The following AGR2 variants were observed in gnomAD, a reference collection of about 807,000 sequenced individuals.
AGR2 encodes the protein anterior gradient protein 2 homolog.
AGR2 carries 27 observed loss-of-function variants against 25.9 expected under a neutral mutation model. The ratio of observed to expected loss-of-function variants is 1.04; its 90% CI spans 0.77 to 1.44. AGR2 has a LOEUF of 1.44. Among genes scored for constraint, AGR2 ranks in the 40% most tolerant of loss-of-function variants. The pLI is 0.00. For missense variants in AGR2, 182 were observed against 200.9 expected (o/e 0.91, Z 0.57); for synonymous variants, 78 against 72.0 (o/e 1.08, Z -0.42).
chr7:16,793,049 A>C (rs781080781), intron 7 of AGR2, 92 bp from the exon 8 acceptor site: 232 of 1,243,496 alleles, frequency 1.9e-4, no homozygotes, highest in East Asian at 2.8e-4. Context: ...TTCATTATTT[A>C]ATGGGATGCT....
Position 16,792,735 on chromosome 7 carries a change from A to G in AGR2, c.*173T>C, listed in dbSNP as rs1357924506. ...TACAATATTGTTTTCACACATGTACACTTGAAACCAAATTTCTAAAACTTG... is the reference window on the plus strand; with the variant it reads ...TACAATATTGTTTTCACACATGTACGCTTGAAACCAAATTTCTAAAACTTG... On this transcript the variant is annotated 3_prime_UTR_variant, in exon 8 of 8. Coordinates refer to ENST00000419304, the MANE Select transcript of AGR2 (RefSeq NM_006408.4). 1 of 641,124 alleles carries G rather than the reference A, an allele frequency of 1.6e-6. No homozygotes were observed. Among genetic ancestry groups the G allele is most frequent in the East Asian group, 2.7e-5 (1 of 36,598 alleles). 39.7% of individuals were successfully genotyped at this position (641,124 alleles called of 1,614,324 possible).
At chr7:16,796,405 C>G (rs562013387) in intron 6 of AGR2, among the ~76,000 whole-genome samples, 2 of 152,334 alleles carry the variant, frequency 1.3e-5, no homozygotes, top group African/African-American at 4.8e-5. Flanking sequence ...TTTAGTTCAG[C>G]CTTCTTCCTT....
At chr7:16,793,535 G>C (rs1784995995) in intron 7 of AGR2, among the ~76,000 whole-genome samples, 1 of 152,138 alleles carries the variant, frequency 6.6e-6, no homozygotes, top group Admixed American at 6.5e-5. Context: ...GATAATTTTG[G>C]CTCATTTAGA....
chr7:16,796,060 C>G (rs1258312501), intron 6 of AGR2, among the ~76,000 whole-genome samples: 1 of 152,094 alleles, frequency 6.6e-6, no homozygotes, highest in Non-Finnish European at 1.5e-5. Context: ...TTGGAATCAT[C>G]TGGAGAGCTG....
chr7:16,803,986 G>A (rs1173254535), intron 1 of AGR2, among the ~76,000 whole-genome samples: 1 of 152,096 alleles, frequency 6.6e-6, no homozygotes, highest in African/African-American at 2.4e-5. Context: ...CCCATTTACA[G>A]TTCTTGTTTT....
chr7:16,799,949 T>C lies in AGR2; in HGVS notation c.257-132A>G, dbSNP rs79440164. 2,482 of 633,132 alleles carry C rather than the reference T, an allele frequency of 3.9e-3. 44 individuals carry two copies. The African/African-American group carries it at 0.041, about 10-fold the overall frequency. The allele number at this position is 633,132 out of a possible 1,614,324, so 39.2% of individuals were successfully genotyped here. A position where few individuals can be genotyped will look rare whatever the true frequency, so the allele number is the denominator to read the frequency against. ...AATACAGTATTCTACTTTGGCCTTT[T>C]AGCAAATGATTAGTGAAGTAATATC... On this transcript the variant is annotated intron_variant, in intron 4 of 7. Transcript: ENST00000419304.
intron 6 of AGR2, among the ~76,000 whole-genome samples, chr7:16,796,882 A>C (rs1048033746): frequency 6.6e-6 from 1 of 151,978 alleles, no homozygotes; most frequent in Non-Finnish European, 1.5e-5. Flanking sequence ...CAGTGGCAGG[A>C]AGGAGCATGT....
intron 7 of AGR2, 86 bp downstream of exon 7, chr7:16,794,850 C>A (rs1233665498): frequency 6.3e-7 from 1 of 1,597,258 alleles, no homozygotes; most frequent in East Asian, 2.3e-5. Context: ...CTCTCTCTCA[C>A]CTCACCATGC....
intron 6 of AGR2, among the ~76,000 whole-genome samples, chr7:16,795,539 T>C (rs1045643908): frequency 4.6e-5 from 7 of 152,220 alleles, no homozygotes; most frequent in Admixed American, 2.6e-4. Flanking sequence ...TATATTTTAC[T>C]TTATTGTTAA....
chr7:16,797,320 C>G (rs184489687), intron 6 of AGR2, among the ~76,000 whole-genome samples: 1 of 152,110 alleles, frequency 6.6e-6, no homozygotes, highest in South Asian at 2.1e-4. Context: ...TATTTGCAGG[C>G]CTCTCGTATT....
chr7:16,795,091 G>A (rs1785022234), intron 6 of AGR2, 72 bp from the exon 7 acceptor site: 2 of 1,527,760 alleles, frequency 1.3e-6, no homozygotes, highest in Non-Finnish European at 1.8e-6. Context: ...TTGCCCCGGG[G>A]AGCTGAAGTT....
chr7:16,796,923 A>G (rs1785054154), intron 6 of AGR2, among the ~76,000 whole-genome samples: 1 of 132,920 alleles, frequency 7.5e-6, no homozygotes, highest in Non-Finnish European at 1.7e-5. Context: ...CCCACCTCAT[A>G]TTCCTTTTTT....
chr7:16,792,902 T>A lies in AGR2; in HGVS notation c.*6A>T. On this transcript the variant is annotated 3_prime_UTR_variant, in exon 8 of 8. Coordinates refer to ENST00000419304, the MANE Select transcript of AGR2 (RefSeq NM_006408.4). ...ACAGACAGAAGGGCTTGGAGATTTT[T>A]TTTCTTTACAATTCAGTCTTCAGCA... The A allele has an allele frequency of 6.2e-7, 1 of 1,613,396 alleles. No individual in the cohort carries two copies. Among genetic ancestry groups the A allele is most frequent in the Non-Finnish European group, 8.5e-7 (1 of 1,179,334 alleles).
chr7:16,792,819 A>C lies in AGR2; in HGVS notation c.*89T>G, dbSNP rs564805090. The C allele has an allele frequency of 9.9e-6, 11 of 1,106,068 alleles. No individual in the cohort carries two copies. Among genetic ancestry groups the C allele is most frequent in the Non-Finnish European group, 1.5e-5 (11 of 717,354 alleles). 68.5% of individuals were successfully genotyped at this position (1,106,068 alleles called of 1,614,324 possible). A position where few individuals can be genotyped will look rare whatever the true frequency, so the allele number is the denominator to read the frequency against. The stretch of plus-strand genomic sequence containing the variant: ...CCATAACCTAATCAGTGTGTTCACT[A>C]TGCTTCCACACTAGCCAGTCTTCTC... On this transcript the variant is annotated 3_prime_UTR_variant, in exon 8 of 8. Coordinates refer to ENST00000419304, the MANE Select transcript of AGR2 (RefSeq NM_006408.4).
chr7:16,799,733 A>T lies in AGR2; in HGVS notation c.330+11T>A, dbSNP rs756281126. ...TAGAGAAATGTTAGTAATGATGAAA[A>T]GGAAACTTACAACCAGATTGAGGAG... is the stretch of plus-strand genomic sequence containing the variant. On this transcript the variant is annotated intron_variant, in intron 5 of 7. Transcript: ENST00000419304. 3.2e-5 allele frequency: 52 copies of T among 1,601,610 alleles called. No homozygotes were observed. Among genetic ancestry groups the T allele is most frequent in the Non-Finnish European group, 2.2e-5 (26 of 1,171,690 alleles).
Position 16,792,865 on chromosome 7 carries a change from T to C in AGR2, c.*43A>G. ...TTCTCACACTTCTTCTGGTTTCAAG[T>C]CTCAAGGCCTGACAGACAGAAGGGC... On this transcript the variant is annotated 3_prime_UTR_variant, in exon 8 of 8. Coordinates refer to ENST00000419304, the MANE Select transcript of AGR2 (RefSeq NM_006408.4). The C allele has an allele frequency of 1.9e-6, 3 of 1,558,540 alleles. No individual in the cohort carries two copies. The East Asian group carries it at 6.7e-5, about 35-fold the overall frequency.
At chr7:16,801,570 C>A in intron 2 of AGR2, 88 bp downstream of exon 2, 4 of 1,533,438 alleles carry the variant, frequency 2.6e-6, no homozygotes, top group Non-Finnish European at 3.6e-6. Context: ...AACCTGGCAC[C>A]AGGTTAGAAC....
intron 1 of AGR2, among the ~76,000 whole-genome samples, 192 bp from the exon 2 acceptor site, chr7:16,801,995 G>A (rs1785155088): frequency 6.6e-6 from 1 of 150,746 alleles, no homozygotes; most frequent in Admixed American, 6.7e-5. Flanking sequence ...ACTTACAATT[G>A]AGTAATGTTC....
In AGR2 at chr7:16,792,708, T is replaced by C; in HGVS notation, c.*200A>G. ...AGAAAATCATGGCTCACTATGGTAG[T>C]ATACAATATTGTTTTCACACATGTA... On this transcript the variant is annotated 3_prime_UTR_variant, in exon 8 of 8. Transcript: ENST00000419304. 1 of 585,546 alleles carries C rather than the reference T, an allele frequency of 1.7e-6. No homozygotes were observed. Among genetic ancestry groups the C allele is most frequent in the Non-Finnish European group, 3.0e-6 (1 of 328,122 alleles). The allele number at this position is 585,546 out of a possible 1,614,324, so 36.3% of individuals were successfully genotyped here. A position where few individuals can be genotyped will look rare whatever the true frequency, so the allele number is the denominator to read the frequency against.
Sources: allele counts gnomAD v4.1 joint callset (sites outside exome capture counted in the v4.1 genomes callset), GRCh38; gene constraint gnomAD v4.1.1; transcripts MANE v1.5; gene names NCBI Gene and HGNC (gene_info 2026-07-23, HGNC 2026-07-21).